Variants in ABI3BP observed in about 807,000 individuals in gnomAD.
ABI3BP encodes target of Nesh-SH3.
ABI3BP carries 216 observed loss-of-function variants against 268.6 expected under a neutral mutation model. That is an observed-to-expected ratio of 0.80 (90% CI 0.72 to 0.90). The LOEUF is 0.90. Among genes scored for constraint, ABI3BP ranks in the 40% least tolerant of loss-of-function variants. ABI3BP has a pLI of 0.00. For missense variants in ABI3BP, 2,090 were observed against 2,182.4 expected, an observed-to-expected ratio of 0.96 and a Z score of 0.84; for synonymous variants, 730 against 730.0, an observed-to-expected ratio of 1.00 and a Z score of 0.00.
chr3:100,787,530 G>C (rs1168578636), intron 57 of ABI3BP, among the ~76,000 whole-genome samples, 198 bp downstream of exon 57: 1 of 152,072 alleles, frequency 6.6e-6, no homozygotes, highest in Non-Finnish European at 1.5e-5. Context: ...GTTTAGAAAA[G>C]TGAAAAAGTC....
chr3:100,901,966 CTACT>C (rs1249691992), intron 3 of ABI3BP, among the ~76,000 whole-genome samples: 1 of 152,074 alleles, frequency 6.6e-6, no homozygotes, highest in Non-Finnish European at 1.5e-5. Flanking sequence ...TAGAAAGTTT[CTACT>C]TACTTATTTA....
At chr3:100,751,022 C>T (rs1327756328) in intron 67 of ABI3BP, among the ~76,000 whole-genome samples, 1 of 152,172 alleles carries the variant, frequency 6.6e-6, no homozygotes, top group Non-Finnish European at 1.5e-5. Flanking sequence ...AATTTACCCC[C>T]TTCTGCACTG....
At chr3:100,758,384 GAC>G (rs1340736561) in intron 63 of ABI3BP, among the ~76,000 whole-genome samples, 1 of 152,168 alleles carries the variant, frequency 6.6e-6, no homozygotes, top group Non-Finnish European at 1.5e-5. Flanking sequence ...CAAGGTGCTT[GAC>G]ACATAGTAAT....
rs544224334 is a variant in ABI3BP, at chr3:100,838,382, G to A, written c.2008+20C>T. On this transcript the variant is annotated intron_variant, in intron 25 of 67. Transcript: ENST00000471714. ...ATTGTTTTCCTATTTATAGATCAAG[G>A]CATTGAAAGTAATGATTACCAGGCT... The A allele has an allele frequency of 4.6e-6, 7 of 1,533,700 alleles. No individual in the cohort carries two copies. The highest frequency in any genetic ancestry group is 4.1e-5 in the African/African-American group (3 of 73,094).
intron 7 of ABI3BP, among the ~76,000 whole-genome samples, chr3:100,876,046 C>T (rs570379576): frequency 6.6e-6 from 1 of 152,278 alleles, no homozygotes; most frequent in East Asian, 1.9e-4. Flanking sequence ...CCTGTCTCTT[C>T]TACCAAGAAA....
Position 100,841,979 on chromosome 3 carries a change from T to C in ABI3BP, c.1765+19A>G. On this transcript the variant is annotated intron_variant, in intron 21 of 67. Coordinates refer to ENST00000471714, the MANE Select transcript of ABI3BP (RefSeq NM_001375547.2). ...GTTAAAGATACTTTGTTTTCACTCA[T>C]TAAAAAAAGCTTTATTACCTATTGT... 1 of 1,521,382 alleles carries C rather than the reference T, an allele frequency of 6.6e-7. No homozygotes were observed. Among genetic ancestry groups the C allele is most frequent in the Non-Finnish European group, 8.8e-7 (1 of 1,134,066 alleles). 94.2% of individuals were successfully genotyped at this position (1,521,382 alleles called of 1,614,324 possible).
At chr3:100,986,848 C>T (rs536106121) in intron 1 of ABI3BP, among the ~76,000 whole-genome samples, 1 of 152,144 alleles carries the variant, frequency 6.6e-6, no homozygotes, top group Non-Finnish European at 1.5e-5. Context: ...ATGCCTGATA[C>T]ACAGTAATAT....
intron 63 of ABI3BP, among the ~76,000 whole-genome samples, chr3:100,758,049 A>C (rs2095719046): frequency 6.6e-6 from 1 of 152,142 alleles, no homozygotes; most frequent in Admixed American, 6.5e-5. Flanking sequence ...ATAAAGCCTC[A>C]CAGAATGCCA....
Position 100,973,605 on chromosome 3 carries a change from T to C in ABI3BP, c.79+19701A>G, listed in dbSNP as rs559585674. Among the ~76,000 whole-genome samples, 4 of 152,290 alleles carry C rather than the reference T, an allele frequency of 2.6e-5. No homozygotes were observed. In the South Asian group the frequency reaches 8.3e-4, roughly 32 times the overall value. On this transcript the variant is annotated intron_variant, in intron 1 of 67. Coordinates refer to ENST00000471714, the MANE Select transcript of ABI3BP (RefSeq NM_001375547.2). ...CCTTCTTTCACCAACACTTTCATTA[T>C]GAATGAAGATAAGGGCAATAATTTC...
chr3:100,915,342 G>C (rs781304552), intron 2 of ABI3BP, among the ~76,000 whole-genome samples: 1 of 152,312 alleles, frequency 6.6e-6, no homozygotes, highest in South Asian at 2.1e-4. Flanking sequence ...TGATGCAGGT[G>C]AGAGGGAGAC....
At position 100,894,938 on chromosome 3, in the gene ABI3BP, C is replaced by CAAA. The variant is rs58342344; in HGVS notation, c.461+3821_461+3823dup. On this transcript the variant is annotated intron_variant, in intron 4 of 67. Coordinates refer to ENST00000471714, the MANE Select transcript of ABI3BP (RefSeq NM_001375547.2). ...TGGGCGACAGAGCGGGATTCCGCTT[C>CAAA]AAAAAAAAAAAAAAAAAAAAAAAAA... Among the ~76,000 whole-genome samples, 84 of 37,718 alleles carry CAAA rather than the reference C, an allele frequency of 2.2e-3. 9 individuals are homozygous for CAAA. The highest frequency in any genetic ancestry group is 5.4e-3 in the African/African-American group (47 of 8,688). The allele number at this position is 37,718 out of a possible 152,430, so 24.7% of individuals were successfully genotyped here. A position where few individuals can be genotyped will look rare whatever the true frequency, so the allele number is the denominator to read the frequency against.
At chr3:100,967,941 G>A (rs1186257197) in intron 1 of ABI3BP, among the ~76,000 whole-genome samples, 1 of 152,086 alleles carries the variant, frequency 6.6e-6, no homozygotes, top group Non-Finnish European at 1.5e-5. Flanking sequence ...AGTTACTTAG[G>A]TCAGTAGCCA....
intron 67 of ABI3BP, among the ~76,000 whole-genome samples, chr3:100,750,946 T>C (rs2095281529): frequency 6.6e-6 from 1 of 152,190 alleles, no homozygotes; most frequent in African/African-American, 2.4e-5. Context: ...AATGTGTTAC[T>C]GAAAAATCGA....
intron 3 of ABI3BP, among the ~76,000 whole-genome samples, chr3:100,902,060 C>A (rs13099053): frequency 0.1 from 15,637 of 152,114 alleles, 1,094 homozygotes; most frequent in Non-Finnish European, 0.15. Context: ...TGGAAGAAAT[C>A]CTTCCTTTAT....
chr3:100,977,871 T>C (rs1325867742), intron 1 of ABI3BP, among the ~76,000 whole-genome samples: 1 of 152,184 alleles, frequency 6.6e-6, no homozygotes, highest in Non-Finnish European at 1.5e-5. Context: ...CACATCTTAG[T>C]TACAAAGTAT....
At chr3:100,830,657 A>T (rs2098475223) in intron 31 of ABI3BP, 23 bp from the exon 32 acceptor site, 1 of 1,517,448 alleles carries the variant, frequency 6.6e-7, no homozygotes, top group Admixed American at 2.0e-5. Context: ...AATAAAAGAA[A>T]CCAAAGAGAT....
chr3:100,894,279 A>T lies in ABI3BP; in HGVS notation c.461+4483T>A, dbSNP rs561973026. 2.6e-5 allele frequency among the ~76,000 whole-genome samples: 4 copies of T among 152,332 alleles called. No homozygotes were observed. In the East Asian group the frequency reaches 7.7e-4, roughly 29 times the overall value. ...TTAGAAAGCAATACAGAGACAAGTG[A>T]GGTGATATTTCAAGAGAAAAAGTCT... On this transcript the variant is annotated intron_variant, in intron 4 of 67. Coordinates refer to ENST00000471714, the MANE Select transcript of ABI3BP (RefSeq NM_001375547.2).
At chr3:100,846,504 T>A in intron 19 of ABI3BP, 58 bp from the exon 20 acceptor site, 1 of 1,265,234 alleles carries the variant, frequency 7.9e-7, no homozygotes, top group Non-Finnish European at 1.1e-6. Flanking sequence ...TTTCAGTGTC[T>A]AAAAACACAG....
At position 100,823,479 on chromosome 3, in the gene ABI3BP, G is replaced by C; in HGVS notation, c.2782C>G (p.Pro928Ala). The change falls in exon 37 of 68, where the codon CCT (proline) becomes GCT (alanine). Residue 928 changes from proline to alanine, a missense_variant. Pro to Ala is a conservative substitution (Grantham distance 27). Transcript: ENST00000471714. ...ATVLEPVTLR[P>A]EASTTLASKT... ...TTACCTAATGTTGTTGAGGCCTCAGGTCTAAGAGTGACAGGTTCTAGGACT... is the reference window on the plus strand; with the variant it reads ...TTACCTAATGTTGTTGAGGCCTCAGCTCTAAGAGTGACAGGTTCTAGGACT... 6.5e-7 allele frequency: 1 copy of C among 1,534,948 alleles called. No homozygotes were observed. The highest frequency in any genetic ancestry group is 1.2e-5 in the South Asian group (1 of 83,824).
Sources: allele counts gnomAD v4.1 joint callset (sites outside exome capture counted in the v4.1 genomes callset), GRCh38; gene constraint gnomAD v4.1.1; transcripts MANE v1.5; gene names NCBI Gene and HGNC (gene_info 2026-07-23, HGNC 2026-07-21).